The following TMEM131 variants were observed in gnomAD, a reference collection of about 807,000 sequenced individuals.
The protein encoded by TMEM131 is 2610524E03Rik.
In TMEM131, 66 loss-of-function variants were observed where a neutral mutation model predicts 211.6. That is an observed-to-expected ratio of 0.31 (90% confidence interval 0.26 to 0.38). The LOEUF (loss-of-function observed/expected upper bound fraction) is 0.38. Among genes scored for constraint, TMEM131 ranks in the 10% least tolerant of loss-of-function variants. The pLI is 1.00. For synonymous variants in TMEM131, 844 were observed against 841.3 expected (o/e 1.00, Z -0.06); for missense variants, 2,036 against 2,299.3 (o/e 0.89, Z 2.34).
intron 5 of TMEM131, among the ~76,000 whole-genome samples, chr2:97,855,248 T>C (rs1173670250): frequency 6.6e-6 from 1 of 152,250 alleles, no homozygotes; most frequent in East Asian, 1.9e-4. Context: ...TACTTAGTGA[T>C]ACAGTGCAAA....
At chr2:97,761,066 G>T in intron 36 of TMEM131, 152 bp from the exon 37 acceptor site, 2 of 917,696 alleles carry the variant, frequency 2.2e-6, no homozygotes, top group Non-Finnish European at 3.3e-6. Context: ...ATGCTCTGGG[G>T]CCTCAGACTG....
rs2104937955 is a variant in TMEM131 at position 97,805,120 on chromosome 2, T to C, written c.2370A>G (p.Gly790=). 1 of 1,613,624 alleles carries C rather than the reference T, an allele frequency of 6.2e-7. No individual in the cohort carries two copies. Among genetic ancestry groups the C allele is most frequent in the South Asian group, 1.1e-5 (1 of 91,002 alleles). The change falls in exon 22 of 41, where the codon GGA becomes GGG. Residue 790 remains glycine (G), a synonymous_variant. Transcript: ENST00000186436. Reference sequence around the variant, plus strand: ...CTGAATTTTCCTTTATTCCTGTCCATCCCTTGAACAGGCTTTGATGCAAAT... The same window carrying C: ...CTGAATTTTCCTTTATTCCTGTCCACCCCTTGAACAGGCTTTGATGCAAAT... ...DWDLHQSLFK[G]WTGIKENSGH...
At chr2:97,891,784 T>C (rs1249675787) in intron 3 of TMEM131, among the ~76,000 whole-genome samples, 2 of 152,192 alleles carry the variant, frequency 1.3e-5, no homozygotes, top group Non-Finnish European at 1.5e-5. Context: ...ATTTGCATCA[T>C]AAACACCTAC....
At position 97,814,270 on chromosome 2, in the gene TMEM131, C is replaced by G. The variant is rs1311419861; in HGVS notation, c.1411G>C (p.Val471Leu). 6.2e-7 allele frequency: 1 copy of G among 1,613,736 alleles called. No homozygotes were observed. The highest frequency in any genetic ancestry group is 2.2e-5 in the East Asian group (1 of 44,872). Reference protein sequence around the residue: ...TFSFAILIHDVLLPEEAKTMF... With the variant: ...TFSFAILIHDLLLPEEAKTMF... The stretch of plus-strand genomic sequence containing the variant: ...GTTTTGGCTTCTTCTGGTAGCAACA[C>G]ATCGTGAATGAGGATCGCAAAACTG... Residue 471 changes from valine (V) to leucine (L), a missense_variant, in exon 14 of 41, where the codon GTG becomes CTG. Val to Leu is a conservative substitution (Grantham distance 32). This residue lies in a region of TMEM131 where 1,623 missense variants were observed against 1,805.9 expected (regional missense o/e 0.90). Coordinates refer to ENST00000186436, the MANE Select transcript of TMEM131 (RefSeq NM_015348.2).
chr2:97,903,446 T>G (rs997819965), intron 3 of TMEM131, among the ~76,000 whole-genome samples: 14 of 152,150 alleles, frequency 9.2e-5, no homozygotes, highest in African/African-American at 3.4e-4. Context: ...CAGGCAAGAA[T>G]CATCAGTAGA....
intron 40 of TMEM131, among the ~76,000 whole-genome samples, chr2:97,757,695 C>T (rs72815671): frequency 0.018 from 2,699 of 152,182 alleles, 36 homozygotes; most frequent in Non-Finnish European, 0.029. Context: ...GCCATCATGC[C>T]GGCTAGTTGT....
chr2:97,843,066 TA>T lies in TMEM131; in HGVS notation c.600+1078del, dbSNP rs750074318. Among the ~76,000 whole-genome samples, 607 of 134,464 alleles carry T rather than the reference TA, an allele frequency of 4.5e-3. 1 individual carries two copies. The highest frequency in any genetic ancestry group is 0.016 in the Middle Eastern group (4 of 256). The allele number at this position is 134,464 out of a possible 152,430, so 88.2% of individuals were successfully genotyped here. On this transcript the variant is annotated intron_variant, in intron 6 of 40. Transcript: ENST00000186436. ...TAATGGGTACTGGGGAGGAAATGTT[TA>T]AAAAAAAAAAAAAAAGCACAGGAAC... is the stretch of plus-strand genomic sequence containing the variant.
chr2:97,773,653 G>GT (rs1189110237), intron 32 of TMEM131, among the ~76,000 whole-genome samples: 67 of 131,048 alleles, frequency 5.1e-4, no homozygotes, highest in African/African-American at 1.7e-3. Flanking sequence ...TATTATGTGT[G>GT]GTTTTTTTTT....
At chr2:97,797,585 C>G in intron 25 of TMEM131, 69 bp from the exon 26 acceptor site, 1 of 1,376,184 alleles carries the variant, frequency 7.3e-7, no homozygotes, top group South Asian at 1.4e-5. Flanking sequence ...TTCGCTTACA[C>G]CCCATCTAGA....
chr2:97,953,580 C>T (rs1287535394), intron 1 of TMEM131, among the ~76,000 whole-genome samples: 1 of 152,146 alleles, frequency 6.6e-6, no homozygotes, highest in Non-Finnish European at 1.5e-5. Flanking sequence ...GAGATTTCAA[C>T]ACTTCACTGT....
At chr2:97,829,482 T>C (rs12466038) in intron 11 of TMEM131, among the ~76,000 whole-genome samples, 12 of 152,200 alleles carry the variant, frequency 7.9e-5, no homozygotes, top group East Asian at 3.9e-4. Flanking sequence ...AGCTAAAGGA[T>C]TGTAAATGCA....
chr2:97,878,484 T>C (rs1422166019), intron 4 of TMEM131, among the ~76,000 whole-genome samples: 2 of 152,206 alleles, frequency 1.3e-5, no homozygotes. Context: ...AAAGAAAATG[T>C]GGCACACATA....
At chr2:97,896,504 T>C (rs1675617453) in intron 3 of TMEM131, among the ~76,000 whole-genome samples, 1 of 152,224 alleles carries the variant, frequency 6.6e-6, no homozygotes, top group Non-Finnish European at 1.5e-5. Context: ...TAAGTCTCTT[T>C]GTAGGTCTCT....
chr2:97,766,374 A>C lies in TMEM131; in HGVS notation c.4573+104T>G, dbSNP rs894364481. ...AAGAACACAGCCTTAGCCTTGCATG[A>C]CTAATAACTACTGACTGCTTACTGA... On this transcript the variant is annotated intron_variant, in intron 34 of 40. Coordinates refer to ENST00000186436, the MANE Select transcript of TMEM131 (RefSeq NM_015348.2). 53 of 1,595,664 alleles carry C rather than the reference A, an allele frequency of 3.3e-5. 2 individuals are homozygous for C. The highest frequency in any genetic ancestry group is 5.1e-6 in the Non-Finnish European group (6 of 1,167,756).
At chr2:97,842,086 T>A in intron 6 of TMEM131, 149 bp from the exon 7 acceptor site, 1 of 747,084 alleles carries the variant, frequency 1.3e-6, no homozygotes, top group Non-Finnish European at 1.9e-6. Context: ...CCCACAAATG[T>A]TGTTTCTGTA....
chr2:97,864,566 GCTAAT>G (rs1674196923), intron 4 of TMEM131, among the ~76,000 whole-genome samples: 1 of 152,018 alleles, frequency 6.6e-6, no homozygotes, highest in African/African-American at 2.4e-5. Flanking sequence ...TTAATCAGGG[GCTAAT>G]TTAGGTTCCT....
intron 5 of TMEM131, among the ~76,000 whole-genome samples, chr2:97,852,659 A>G (rs1673675161): frequency 6.6e-6 from 1 of 152,258 alleles, no homozygotes; most frequent in South Asian, 2.1e-4. Flanking sequence ...TACAAGTTGC[A>G]GCAAGTTATC....
chr2:97,892,047 AAC>A (rs758298599), intron 3 of TMEM131, among the ~76,000 whole-genome samples: 4 of 152,138 alleles, frequency 2.6e-5, no homozygotes, highest in African/African-American at 9.7e-5. Flanking sequence ...CAGCTAAATA[AAC>A]AGTGATTTAA....
In TMEM131 at chr2:97,839,142, T is replaced by A. The variant is rs778898447; in HGVS notation, c.724-1985A>T. Among the ~76,000 whole-genome samples, 35 of 152,164 alleles carry A rather than the reference T, an allele frequency of 2.3e-4. No individual in the cohort carries two copies. The Middle Eastern group carries it at 0.014, about 59-fold the overall frequency. ...GAGTTGTAGGCCAGCCTAGGCAACA[T>A]AGTGAGAGTCTGTCTCTACAAAAAA... On this transcript the variant is annotated intron_variant, in intron 7 of 40. Coordinates refer to ENST00000186436, the MANE Select transcript of TMEM131 (RefSeq NM_015348.2).
Sources: allele counts gnomAD v4.1 joint callset (sites outside exome capture counted in the v4.1 genomes callset), GRCh38; gene constraint gnomAD v4.1.1; regional missense constraint gnomAD v4.1.1; transcripts MANE v1.5; gene names NCBI Gene and HGNC (gene_info 2026-07-23, HGNC 2026-07-21).